The following AFF2 variants were observed in gnomAD, a reference collection of about 807,000 sequenced individuals.
The protein encoded by AFF2 is AF4/FMR2 family member 2.
Under a neutral mutation model 76.9 loss-of-function variants are expected in AFF2, and 14 were observed. That is an observed-to-expected ratio of 0.18 (90% CI 0.12 to 0.28). The LOEUF (loss-of-function observed/expected upper bound fraction) is 0.28. Ranked by LOEUF, AFF2 falls within the 10% of genes least tolerant of loss-of-function variation. AFF2 has a pLI of 1.00. For missense variants in AFF2, 868 were observed against 1,001.1 expected, an observed-to-expected ratio of 0.87 and a Z score of 1.79; for synonymous variants, 398 against 366.7, an observed-to-expected ratio of 1.09 and a Z score of -0.98.
At chrX:148,735,114 A>C (rs943089641) in intron 3 of AFF2, among the ~76,000 whole-genome samples, 1 of 112,275 alleles carries the variant, frequency 8.9e-6, no homozygotes, top group Non-Finnish European at 1.9e-5. Context: ...CTTGGGAATT[A>C]CATGTATCTC....
At chrX:148,844,532 C>T (rs2070641683) in intron 7 of AFF2, among the ~76,000 whole-genome samples, 1 of 111,965 alleles carries the variant, frequency 8.9e-6, no homozygotes. Context: ...TTCTTTCATA[C>T]CTAATAATAG....
intron 3 of AFF2, among the ~76,000 whole-genome samples, chrX:148,772,238 T>C (rs2069597138): frequency 8.9e-6 from 1 of 112,347 alleles, no homozygotes; most frequent in Non-Finnish European, 1.9e-5. Flanking sequence ...TCGTTTTGTT[T>C]CTGAAATGAA....
At chrX:148,581,426 C>A (rs797030935) in intron 1 of AFF2, among the ~76,000 whole-genome samples, 50 of 2,368 alleles carry the variant, frequency 0.021, 9 homozygotes, top group African/African-American at 0.037. Flanking sequence ...ACGTATACGT[C>A]TACGTGTACA....
chrX:148,663,857 G>T (rs782227442), intron 3 of AFF2, among the ~76,000 whole-genome samples: 1 of 112,005 alleles, frequency 8.9e-6, no homozygotes, highest in African/African-American at 3.2e-5. Flanking sequence ...CAGCAGATGC[G>T]GTGATTTCAG....
chrX:148,675,873 A>T (rs957906727), intron 3 of AFF2, among the ~76,000 whole-genome samples: 1 of 110,049 alleles, frequency 9.1e-6, no homozygotes, highest in African/African-American at 3.3e-5. Context: ...ATTGATGGAT[A>T]AAAAGGGCCT....
intron 1 of AFF2, among the ~76,000 whole-genome samples, chrX:148,635,094 G>C (rs1410379850): frequency 9.0e-6 from 1 of 111,436 alleles, no homozygotes; most frequent in Admixed American, 9.6e-5. Flanking sequence ...TATATATAAT[G>C]TGAATACACT....
chrX:148,705,575 G>A (rs187444060), intron 3 of AFF2, among the ~76,000 whole-genome samples: 3 of 111,664 alleles, frequency 2.7e-5, no homozygotes, highest in Admixed American at 9.5e-5. Context: ...GCTTTTTCAT[G>A]TGAAGCCAAG....
chrX:148,756,733 A>G (rs1557266921), intron 3 of AFF2, among the ~76,000 whole-genome samples: 1 of 112,883 alleles, frequency 8.9e-6, no homozygotes, highest in East Asian at 2.8e-4. Context: ...GGATGATTAG[A>G]TATACATGGT....
intron 9 of AFF2, among the ~76,000 whole-genome samples, chrX:148,910,495 G>C (rs16994802): frequency 0.013 from 1,411 of 112,319 alleles, 25 homozygotes; most frequent in African/African-American, 0.043. Flanking sequence ...TGTTTGTTAA[G>C]TGGGGAACAG....
intron 1 of AFF2, among the ~76,000 whole-genome samples, chrX:148,601,373 G>A (rs2053624685): frequency 8.9e-6 from 1 of 111,985 alleles, no homozygotes; most frequent in Admixed American, 9.5e-5. Flanking sequence ...TCGGAGGTGA[G>A]TTTACACTTT....
chrX:148,864,991 T>C (rs2070889995), intron 7 of AFF2, among the ~76,000 whole-genome samples: 1 of 112,372 alleles, frequency 8.9e-6, no homozygotes, highest in South Asian at 3.7e-4. Flanking sequence ...TCCATCATGT[T>C]TTAAATAAAT....
chrX:148,630,090 A>G (rs1759761065), intron 1 of AFF2, among the ~76,000 whole-genome samples: 1 of 111,650 alleles, frequency 9.0e-6, no homozygotes, highest in African/African-American at 3.3e-5. Flanking sequence ...CCTAGAGAGT[A>G]CCAGACCCCA....
intron 3 of AFF2, among the ~76,000 whole-genome samples, chrX:148,735,670 G>T (rs955591038): frequency 9.9e-5 from 11 of 110,945 alleles, no homozygotes; most frequent in Non-Finnish European, 1.3e-4. Context: ...TTGGTTGCAT[G>T]TGTAAGTTTT....
intron 9 of AFF2, among the ~76,000 whole-genome samples, chrX:148,917,643 T>C (rs1909701743): frequency 8.9e-6 from 1 of 112,231 alleles, no homozygotes; most frequent in Non-Finnish European, 1.9e-5. Flanking sequence ...TGGCCAGTAG[T>C]TGGAGAAGTT....
At chrX:148,692,794 TGAA>T (rs1214325750) in intron 3 of AFF2, among the ~76,000 whole-genome samples, 1 of 111,861 alleles carries the variant, frequency 8.9e-6, no homozygotes, top group African/African-American at 3.3e-5. Context: ...GATTCTGAGA[TGAA>T]GATTTTTGCA....
rs2072128987 is a variant in AFF2 at position 148,962,945 on chromosome X, T to A, written c.2913+8T>A. ...AAAGGGATATCGGTAAATGTAAGCA[T>A]CTTGGAAGAAATATTATTATTGTCA... On this transcript the variant is annotated splice_region_variant and intron_variant, in intron 13 of 20. Transcript: ENST00000370460. 1 of 1,114,795 alleles carries A rather than the reference T, an allele frequency of 9.0e-7. No individual in the cohort carries two copies. 91.9% of individuals were successfully genotyped at this position (1,114,795 alleles called of 1,213,427 possible).
rs868922257 is a variant in AFF2, at chrX:148,614,747, T to C, written c.48-37252T>C. Reference sequence around the variant, plus strand: ...TTTCTTTCTTTCCTTCTTTTCTTTCTTTCTTTCTTTCTTTCTTTCTTTCTT... The same window carrying C: ...TTTCTTTCTTTCCTTCTTTTCTTTCCTTCTTTCTTTCTTTCTTTCTTTCTT... On this transcript the variant is annotated intron_variant, in intron 1 of 20. Transcript: ENST00000370460. 8.1e-3 allele frequency among the ~76,000 whole-genome samples: 334 copies of C among 41,151 alleles called. 2 individuals carry two copies. Among genetic ancestry groups the C allele is most frequent in the Non-Finnish European group, 9.6e-3 (202 of 21,147 alleles). 35.7% of individuals were successfully genotyped at this position (41,151 alleles called of 115,157 possible).
chrX:148,978,966 C>G (rs1227893027), intron 18 of AFF2, among the ~76,000 whole-genome samples: 1 of 111,742 alleles, frequency 8.9e-6, no homozygotes, highest in Non-Finnish European at 1.9e-5. Context: ...ACAAACAAAG[C>G]CATATCGTAG....
chrX:148,754,249 C>A (rs1449410447), intron 3 of AFF2, among the ~76,000 whole-genome samples: 3 of 111,816 alleles, frequency 2.7e-5, no homozygotes, highest in African/African-American at 9.8e-5. Flanking sequence ...CTATGTAACA[C>A]TTTTTATCTC....
Sources: gnomAD v4.1 joint callset for allele counts (sites outside exome capture counted in the v4.1 genomes callset) on GRCh38, gnomAD v4.1.1 for gene constraint, MANE v1.5 for transcripts, NCBI Gene and HGNC (gene_info 2026-07-23, HGNC 2026-07-21) for gene names.